RUBCNL: variants seen among roughly 807,000 people sequenced by gnomAD.
RUBCNL encodes rubicon like autophagy enhancer.
RUBCNL carries 62 observed loss-of-function variants against 69.5 expected under a neutral mutation model. The observed-to-expected ratio is 0.89, with a 90% CI of 0.73 to 1.10. The LOEUF (loss-of-function observed/expected upper bound fraction) is 1.10. RUBCNL is among the 50% of genes least tolerant of loss of function. RUBCNL has a pLI of 0.00. For synonymous variants in RUBCNL, 291 were observed against 303.6 expected (o/e 0.96, Z 0.43); for missense variants, 768 against 798.1 (o/e 0.96, Z 0.45).
intron 8 of RUBCNL, 134 bp downstream of exon 8, chr13:46,361,307 T>C: frequency 1.2e-6 from 1 of 830,136 alleles, no homozygotes; most frequent in South Asian, 1.8e-5. Flanking sequence ...CACATGCCAG[T>C]TTCCTCATTC....
Position 46,336,793 on chromosome 13 carries a change from A to G in RUBCNL, c.*6592T>C, listed in dbSNP as rs1456507133. 6.6e-6 allele frequency among the ~76,000 whole-genome samples: 1 copy of G among 152,118 alleles called. No homozygotes were observed. Among genetic ancestry groups the G allele is most frequent in the African/African-American group, 2.4e-5 (1 of 41,418 alleles). On this transcript the variant is annotated 3_prime_UTR_variant, in exon 15 of 15. Coordinates refer to ENST00000429979, the MANE Select transcript of RUBCNL (RefSeq NM_025113.5). Reference sequence around the variant, plus strand: ...AAACATTAAAAACTGTTCTTTCAAAAATGTTGCTGTGAAGAAGATCATAGA... The same window carrying G: ...AAACATTAAAAACTGTTCTTTCAAAGATGTTGCTGTGAAGAAGATCATAGA...
chr13:46,353,171 C>T (rs1304662861), intron 10 of RUBCNL, among the ~76,000 whole-genome samples: 1 of 152,172 alleles, frequency 6.6e-6, no homozygotes. Context: ...CCAAATTGTC[C>T]CTCAGACCCA....
chr13:46,388,102 C>G (rs1435988561), upstream of RUBCNL, among the ~76,000 whole-genome samples: 4 of 144,384 alleles, frequency 2.8e-5, no homozygotes, highest in Non-Finnish European at 6.0e-5. Flanking sequence ...ATGCCGGCTA[C>G]TAGGGAGGCT....
intron 13 of RUBCNL, 124 bp from the exon 14 acceptor site, chr13:46,344,955 G>T: frequency 1.6e-6 from 1 of 610,122 alleles, no homozygotes; most frequent in Non-Finnish European, 2.8e-6. Flanking sequence ...AGAAGGAAAA[G>T]GATGTTGTTT....
At chr13:46,350,008 T>C in intron 11 of RUBCNL, 105 bp downstream of exon 11, 1 of 825,100 alleles carries the variant, frequency 1.2e-6, no homozygotes, top group Admixed American at 2.5e-5. Flanking sequence ...ATGATCCATT[T>C]GCCTCTTAGA....
chr13:46,354,830 A>G (rs1359495291), intron 10 of RUBCNL: 1 of 456,640 alleles, frequency 2.2e-6, no homozygotes, highest in East Asian at 6.9e-5. Flanking sequence ...CCACTGTACA[A>G]AAGTGCAGAC....
intron 10 of RUBCNL, among the ~76,000 whole-genome samples, chr13:46,354,050 C>A (rs1318705951): frequency 6.6e-6 from 1 of 152,032 alleles, no homozygotes; most frequent in Non-Finnish European, 1.5e-5. Context: ...TAAATGATAC[C>A]TTAAGAACAA....
At chr13:46,362,876 C>T (rs1441409197) in intron 6 of RUBCNL, among the ~76,000 whole-genome samples, 1 of 138,676 alleles carries the variant, frequency 7.2e-6, no homozygotes, top group Non-Finnish European at 1.5e-5. Context: ...TTCAACTCTA[C>T]AAGTGAGATG....
chr13:46,381,623 C>T (rs971901549), intron 1 of RUBCNL, among the ~76,000 whole-genome samples: 1 of 152,068 alleles, frequency 6.6e-6, no homozygotes, highest in African/African-American at 2.4e-5. Context: ...GCTCTTGTTG[C>T]CCAGGCTGGA....
Position 46,335,279 on chromosome 13 carries a change from T to G in RUBCNL, c.*8106A>C, listed in dbSNP as rs1051304345. Among the ~76,000 whole-genome samples the G allele has an allele frequency of 2.6e-4, 38 of 146,998 alleles. No homozygotes were observed. Among genetic ancestry groups the G allele is most frequent in the Admixed American group, 5.4e-4 (8 of 14,778 alleles). On this transcript the variant is annotated 3_prime_UTR_variant, in exon 15 of 15. Coordinates refer to ENST00000429979, the MANE Select transcript of RUBCNL (RefSeq NM_025113.5). ...GTTGTTGTTTTTTTTTTTTTTTTTT[T>G]TTTTTTAAGAGACAGGGTCTCGCTA...
At chr13:46,353,146 C>T (rs544323888) in intron 10 of RUBCNL, among the ~76,000 whole-genome samples, 25 of 152,334 alleles carry the variant, frequency 1.6e-4, no homozygotes, top group Admixed American at 6.5e-4. Flanking sequence ...AGGGAGCTAA[C>T]GCCTTTGCAC....
intron 2 of RUBCNL, among the ~76,000 whole-genome samples, chr13:46,377,033 T>A (rs1255421422): frequency 6.9e-6 from 1 of 143,906 alleles, no homozygotes; most frequent in Non-Finnish European, 1.5e-5. Flanking sequence ...TTTGGTTGAC[T>A]TTTTTTAGTT....
rs370992882 is a variant in RUBCNL at position 46,372,190 on chromosome 13, C to T, written c.286G>A (p.Gly96Arg). ...SPSGPSPSCL[G>R]DSLAETTLSE... is the part of the protein sequence containing the mutation. ...AACGTTGTCTCTGCCAGGGAGTCCC[C>T]GAGGCACGAAGGTGAAGGGCCTGAG... Residue 96 changes from glycine to arginine, a missense_variant, in exon 3 of 15, where the codon GGG becomes AGG. Transcript: ENST00000429979. 71 of 1,613,862 alleles carry T rather than the reference C, an allele frequency of 4.4e-5. No homozygotes were observed. Among genetic ancestry groups the T allele is most frequent in the Admixed American group, 8.3e-5 (5 of 60,004 alleles).
rs750880732 is a variant in RUBCNL, at chr13:46,377,861, GAA to G, written c.-123+27_-123+28del. On this transcript the variant is annotated intron_variant, in intron 2 of 14. Coordinates refer to ENST00000429979, the MANE Select transcript of RUBCNL (RefSeq NM_025113.5). ...GGTCACAGCTGGGCAGTGGCAGAGA[GAA>G]GACAAAAGGCCAGGTCGGACACTCA... The G allele has an allele frequency of 6.6e-6, 9 of 1,360,394 alleles. No homozygotes were observed. The South Asian group carries it at 1.1e-4, about 16-fold the overall frequency. 84.3% of individuals were successfully genotyped at this position (1,360,394 alleles called of 1,614,324 possible). A position where few individuals can be genotyped will look rare whatever the true frequency, so the allele number is the denominator to read the frequency against.
At position 46,336,724 on chromosome 13, in the gene RUBCNL, C is replaced by T. The variant is rs187758752; in HGVS notation, c.*6661G>A. ...GGGTAGAATGGTTGAGATGGAAATG[C>T]TATTGTTGTAGGTAAAGGAAGAAAG... On this transcript the variant is annotated 3_prime_UTR_variant, in exon 15 of 15. Transcript: ENST00000429979. Among the ~76,000 whole-genome samples, 337 of 152,010 alleles carry T rather than the reference C, an allele frequency of 2.2e-3. 4 individuals carry two copies. The highest frequency in any genetic ancestry group is 0.012 in the South Asian group (56 of 4,808).
At chr13:46,364,328 C>T (rs776566802) in intron 5 of RUBCNL, among the ~76,000 whole-genome samples, 147 of 151,892 alleles carry the variant, frequency 9.7e-4, no homozygotes, top group Non-Finnish European at 1.1e-3. Flanking sequence ...ACCTGGGAGG[C>T]AGAGGTTGCA....
rs528147886 is a variant in RUBCNL at position 46,372,482 on chromosome 13, A to T, written c.-7T>A. 374 of 1,594,298 alleles carry T rather than the reference A, an allele frequency of 2.3e-4. No individual in the cohort carries two copies. The highest frequency in any genetic ancestry group is 6.5e-4 in the Admixed American group (37 of 57,008). On this transcript the variant is annotated 5_prime_UTR_variant, in exon 3 of 15. Coordinates refer to ENST00000429979, the MANE Select transcript of RUBCNL (RefSeq NM_025113.5). ...CTGTAGATTGTGACACCATCTTTCC[A>T]GGCTTGTGGCTGGTGTGAATCCATT...
In RUBCNL at chr13:46,337,267, C is replaced by T. The variant is rs1054308523; in HGVS notation, c.*6118G>A. Among the ~76,000 whole-genome samples the T allele has an allele frequency of 2.6e-5, 4 of 152,070 alleles. No individual in the cohort carries two copies. Among genetic ancestry groups the T allele is most frequent in the African/African-American group, 4.8e-5 (2 of 41,400 alleles). ...AAGCGATTCTTCTGCCTCAGCCTCCCGAGTAGCTGGGATTACAGGCACTTG... is the reference window on the plus strand; with the variant it reads ...AAGCGATTCTTCTGCCTCAGCCTCCTGAGTAGCTGGGATTACAGGCACTTG... On this transcript the variant is annotated 3_prime_UTR_variant, in exon 15 of 15. Transcript: ENST00000429979.
chr13:46,355,360 T>G (rs1386240094), intron 10 of RUBCNL, among the ~76,000 whole-genome samples: 1 of 148,218 alleles, frequency 6.7e-6, no homozygotes, highest in Non-Finnish European at 1.5e-5. Context: ...AATAGTGTGA[T>G]CTCGGCTCAC....
Sources: allele counts gnomAD v4.1 joint callset (sites outside exome capture counted in the v4.1 genomes callset), GRCh38; gene constraint gnomAD v4.1.1; transcripts MANE v1.5; gene names NCBI Gene and HGNC (gene_info 2026-07-23, HGNC 2026-07-21).